The following HCN1 variants were observed in gnomAD, a reference collection of about 807,000 sequenced individuals.
HCN1 encodes potassium/sodium hyperpolarization-activated cyclic nucleotide-gated channel 1.
In HCN1, 13 loss-of-function variants were observed where a neutral mutation model predicts 78.9. That is an observed-to-expected ratio of 0.16 (90% CI 0.11 to 0.26). The LOEUF is 0.26. Ranked by LOEUF, HCN1 falls within the 10% of genes least tolerant of loss-of-function variation. The pLI, the probability that HCN1 is intolerant of heterozygous loss-of-function variation, is 1.00. For missense variants in HCN1, 810 were observed against 1,154.3 expected (o/e 0.70, Z 4.32); for synonymous variants, 552 against 455.5 (o/e 1.21, Z -2.70).
At chr5:45,659,471 T>G (rs1000829754) in intron 1 of HCN1, among the ~76,000 whole-genome samples, 1 of 108,136 alleles carries the variant, frequency 9.2e-6, no homozygotes, top group Non-Finnish European at 1.8e-5. Flanking sequence ...TTTGACGAGC[T>G]GAGAGAAGAA....
chr5:45,564,877 ATTCG>A (rs1743676043), intron 2 of HCN1, among the ~76,000 whole-genome samples: 1 of 152,104 alleles, frequency 6.6e-6, no homozygotes, highest in Non-Finnish European at 1.5e-5. Context: ...GCATAAAGGG[ATTCG>A]TTGGGCACAC....
At chr5:45,272,008 T>TTTTAAAAAAAACA (rs2111854208) in intron 6 of HCN1, among the ~76,000 whole-genome samples, 1 of 152,192 alleles carries the variant, frequency 6.6e-6, no homozygotes, top group South Asian at 2.1e-4. Flanking sequence ...TAAAATAATC[T>TTTTAAAAAAAACA]CTTCTTTTAA....
At position 45,421,899 on chromosome 5, in the gene HCN1, A is replaced by G. The variant is rs548378423; in HGVS notation, c.1012-25189T>C. On this transcript the variant is annotated intron_variant, in intron 3 of 7. Coordinates refer to ENST00000303230, the MANE Select transcript of HCN1 (RefSeq NM_021072.4). ...AGATTTTCTCCCCTACTTTTTATAA[A>G]GGCACTAATCCCATTCATGGGGTAC... Among the ~76,000 whole-genome samples, 76 of 152,264 alleles carry G rather than the reference A, an allele frequency of 5.0e-4. 1 individual carries two copies. The highest frequency in any genetic ancestry group is 1.8e-3 in the African/African-American group (75 of 41,564).
chr5:45,560,405 C>G (rs1423889953), intron 2 of HCN1, among the ~76,000 whole-genome samples: 3 of 151,842 alleles, frequency 2.0e-5, no homozygotes, highest in Non-Finnish European at 4.4e-5. Flanking sequence ...TACCACAAGC[C>G]TACAATTTCT....
At chr5:45,331,038 T>C (rs1331698442) in intron 5 of HCN1, among the ~76,000 whole-genome samples, 2 of 151,214 alleles carry the variant, frequency 1.3e-5, no homozygotes, top group Admixed American at 6.6e-5. Flanking sequence ...TTAAGATATA[T>C]GTCAAATATT....
chr5:45,263,827 C>G (rs750295784), intron 7 of HCN1, among the ~76,000 whole-genome samples: 40 of 152,234 alleles, frequency 2.6e-4, no homozygotes, highest in Non-Finnish European at 3.8e-4. Context: ...GAGTCTCGCT[C>G]TGATGCCCAG....
chr5:45,408,530 G>A (rs542123626), intron 3 of HCN1, among the ~76,000 whole-genome samples: 5 of 152,152 alleles, frequency 3.3e-5, no homozygotes, highest in South Asian at 2.1e-4. Flanking sequence ...AGGCTATATC[G>A]TCTAGGTTTG....
At chr5:45,664,617 C>G (rs1046373588) in intron 1 of HCN1, among the ~76,000 whole-genome samples, 1 of 151,764 alleles carries the variant, frequency 6.6e-6, no homozygotes, top group African/African-American at 2.4e-5. Context: ...AAACAAACAA[C>G]CCCATCAAAT....
intron 2 of HCN1, among the ~76,000 whole-genome samples, chr5:45,602,302 G>GCCC (rs1744641527): frequency 6.6e-6 from 1 of 151,994 alleles, no homozygotes; most frequent in Non-Finnish European, 1.5e-5. Context: ...GTTACCATAG[G>GCCC]CCCTAATCCA....
intron 2 of HCN1, among the ~76,000 whole-genome samples, chr5:45,509,629 C>G (rs1742371126): frequency 1.3e-5 from 2 of 152,120 alleles, no homozygotes; most frequent in Non-Finnish European, 2.9e-5. Flanking sequence ...TATGTCAACT[C>G]ATTTTCAACT....
chr5:45,549,108 G>A (rs1360932122), intron 2 of HCN1, among the ~76,000 whole-genome samples: 1 of 151,894 alleles, frequency 6.6e-6, no homozygotes, highest in Non-Finnish European at 1.5e-5. Flanking sequence ...TCCCCATCAA[G>A]CTACCAATGA....
intron 1 of HCN1, among the ~76,000 whole-genome samples, chr5:45,684,286 T>G (rs1275091538): frequency 6.6e-6 from 1 of 152,182 alleles, no homozygotes; most frequent in Non-Finnish European, 1.5e-5. Context: ...AATCAGTAAT[T>G]ATAGCCAATA....
intron 2 of HCN1, among the ~76,000 whole-genome samples, chr5:45,549,993 AAAC>A (rs1346366902): frequency 6.6e-6 from 1 of 151,982 alleles, no homozygotes; most frequent in Non-Finnish European, 1.5e-5. Flanking sequence ...AAAAGTCAGG[AAAC>A]AACAGGTGCT....
chr5:45,470,399 C>A (rs1488429101), intron 2 of HCN1, among the ~76,000 whole-genome samples: 1 of 151,706 alleles, frequency 6.6e-6, no homozygotes, highest in African/African-American at 2.4e-5. Flanking sequence ...TTAGTGCAAC[C>A]CCCCTAAAAA....
At chr5:45,635,389 C>T (rs1745338203) in intron 2 of HCN1, among the ~76,000 whole-genome samples, 1 of 151,920 alleles carries the variant, frequency 6.6e-6, no homozygotes, top group African/African-American at 2.4e-5. Flanking sequence ...TGTAAAAATT[C>T]CCACCTATAA....
chr5:45,289,665 G>A (rs1184419409), intron 6 of HCN1, among the ~76,000 whole-genome samples: 2 of 152,036 alleles, frequency 1.3e-5, no homozygotes, highest in Non-Finnish European at 1.5e-5. Flanking sequence ...GGAGGCTGGA[G>A]AGCAAATATA....
At chr5:45,475,443 C>T (rs1002426076) in intron 2 of HCN1, among the ~76,000 whole-genome samples, 8 of 151,954 alleles carry the variant, frequency 5.3e-5, no homozygotes, top group African/African-American at 1.7e-4. Context: ...TAAGGAGTTC[C>T]AGATCCATTA....
intron 5 of HCN1, among the ~76,000 whole-genome samples, chr5:45,344,720 C>T (rs561866907): frequency 2.6e-5 from 4 of 152,196 alleles, no homozygotes; most frequent in Non-Finnish European, 5.9e-5. Context: ...GAGGTGGGCT[C>T]GCATGGCCTT....
intron 3 of HCN1, among the ~76,000 whole-genome samples, chr5:45,434,966 A>C (rs1740534743): frequency 6.6e-6 from 1 of 152,106 alleles, no homozygotes; most frequent in South Asian, 2.1e-4. Context: ...TTTTTTTTAA[A>C]AAATGTCACT....
Sources: gnomAD v4.1 joint callset for allele counts (sites outside exome capture counted in the v4.1 genomes callset) on GRCh38, gnomAD v4.1.1 for gene constraint, MANE v1.5 for transcripts, NCBI Gene and HGNC (gene_info 2026-07-23, HGNC 2026-07-21) for gene names.